The following PPP6R2 variants were observed in gnomAD, a reference collection of about 807,000 sequenced individuals.
PPP6R2 encodes the protein serine/threonine-protein phosphatase 6 regulatory subunit 2.
In PPP6R2, 62 loss-of-function variants were observed where a neutral mutation model predicts 100.2. That is an observed-to-expected ratio of 0.62 (90% CI 0.50 to 0.76). PPP6R2 has a LOEUF of 0.76. Among genes scored for constraint, PPP6R2 ranks in the 30% least tolerant of loss-of-function variants. The probability of loss-of-function intolerance (pLI) is 0.00; values close to 1 mark genes in which losing one functional copy is unlikely to be tolerated. For missense variants in PPP6R2, 1,142 were observed against 1,276.3 expected, an observed-to-expected ratio of 0.89 and a Z score of 1.60; for synonymous variants, 525 against 514.7, an observed-to-expected ratio of 1.02 and a Z score of -0.27.
the PPP6R2 span, among the ~76,000 whole-genome samples, chr22:50,337,493 GGTGTGTGTGCGGTGTGTGGGGTGTGTGC>G: frequency 2.1e-5 from 3 of 142,944 alleles, no homozygotes; most frequent in African/African-American, 7.9e-5. Flanking sequence ...TGCGATGTGT[GGTGTGTGTGCGGTGTGTGGGGTGTGTGC>G]GTGTGTGTAT....
At chr22:50,361,722 CTT>C (rs2047826629) in intron 1 of PPP6R2, among the ~76,000 whole-genome samples, 1 of 152,070 alleles carries the variant, frequency 6.6e-6, no homozygotes, top group South Asian at 2.1e-4. Flanking sequence ...GCCTTTGACT[CTT>C]TGTTCTGGTA....
At chr22:50,360,378 A>G (rs2148322726) in intron 1 of PPP6R2, among the ~76,000 whole-genome samples, 1 of 145,430 alleles carries the variant, frequency 6.9e-6, no homozygotes, top group South Asian at 2.2e-4. Context: ...TAAGAGAGAC[A>G]GGGTCTCCTC....
chr22:50,349,363 CAAAAAA>C (rs1225878624), intron 1 of PPP6R2, among the ~76,000 whole-genome samples: 1 of 56,346 alleles, frequency 1.8e-5, no homozygotes, highest in Non-Finnish European at 3.6e-5. Context: ...GACCCTGTCT[CAAAAAA>C]AAAAAAAAAA....
chr22:50,341,440 G>C (rs2147837729), upstream of PPP6R2, among the ~76,000 whole-genome samples: 1 of 151,650 alleles, frequency 6.6e-6, no homozygotes, highest in Non-Finnish European at 1.5e-5. Flanking sequence ...CTGGGCTCCA[G>C]CGATCCTCCT....
chr22:50,381,758 A>AT (rs748291779), intron 2 of PPP6R2, among the ~76,000 whole-genome samples: 27 of 152,010 alleles, frequency 1.8e-4, no homozygotes, highest in Non-Finnish European at 2.9e-4. Context: ...AATACAAAAA[A>AT]TTAGCCGGGC....
intron 4 of PPP6R2, among the ~76,000 whole-genome samples, chr22:50,413,893 CA>C (rs1192734133): frequency 6.6e-6 from 1 of 152,152 alleles, no homozygotes; most frequent in African/African-American, 2.4e-5. Context: ...GCTGAATTTG[CA>C]GCGAGCCCAG....
At chr22:50,393,621 C>G (rs2056119937) in intron 2 of PPP6R2, 3 of 955,224 alleles carry the variant, frequency 3.1e-6, no homozygotes, top group Non-Finnish European at 3.7e-6. Context: ...GGTGCAGCCT[C>G]AGAGCTGTTG....
chr22:50,353,966 A>G (rs924328612), intron 1 of PPP6R2, among the ~76,000 whole-genome samples: 1 of 152,154 alleles, frequency 6.6e-6, no homozygotes, highest in Non-Finnish European at 1.5e-5. Context: ...TGTATCAGGC[A>G]TTTGTGTGTT....
At chr22:50,429,540 G>A (rs889635223) in intron 10 of PPP6R2, among the ~76,000 whole-genome samples, 1 of 152,180 alleles carries the variant, frequency 6.6e-6, no homozygotes, top group Non-Finnish European at 1.5e-5. Context: ...ATGTTGATAA[G>A]GAACATTGGT....
chr22:50,430,873 C>CAAAAAAAAA (rs375308909), intron 10 of PPP6R2, among the ~76,000 whole-genome samples: 1 of 85,682 alleles, frequency 1.2e-5, no homozygotes, highest in Non-Finnish European at 2.3e-5. Context: ...GACTCCGTCT[C>CAAAAAAAAA]AAAAAAAAAA....
chr22:50,438,012 C>T (rs2064764369), intron 17 of PPP6R2, 112 bp downstream of exon 17: 1 of 1,506,474 alleles, frequency 6.6e-7, no homozygotes, highest in Non-Finnish European at 9.1e-7. Context: ...AGAGGCCCCT[C>T]TGTGGAGCTC....
chr22:50,389,188 A>AGAGG (rs1260600142), intron 2 of PPP6R2: 2 of 152,214 alleles, frequency 1.3e-5, no homozygotes, highest in African/African-American at 2.4e-5. Flanking sequence ...TCAGGATGTG[A>AGAGG]GAGGAGTCCT....
intron 1 of PPP6R2, among the ~76,000 whole-genome samples, chr22:50,347,647 C>T (rs2044099702): frequency 1.3e-5 from 2 of 152,152 alleles, no homozygotes; most frequent in African/African-American, 2.4e-5. Flanking sequence ...CCAGCTCCCC[C>T]AAGTCTGTCA....
At chr22:50,355,967 CT>C (rs138721205) in intron 1 of PPP6R2, among the ~76,000 whole-genome samples, 3,321 of 143,612 alleles carry the variant, frequency 0.023, 39 homozygotes, top group Middle Eastern at 0.033. Flanking sequence ...GTATTTCCCT[CT>C]TTTTTTTTTT....
chr22:50,365,000 C>G (rs2048456083), intron 1 of PPP6R2, among the ~76,000 whole-genome samples: 1 of 150,850 alleles, frequency 6.6e-6, no homozygotes, highest in South Asian at 2.1e-4. Context: ...TTATGATTCT[C>G]TTTGGGTCTT....
the PPP6R2 span, among the ~76,000 whole-genome samples, chr22:50,336,768 G>A: frequency 1.3e-5 from 2 of 151,306 alleles, no homozygotes; most frequent in African/African-American, 2.4e-5. Context: ...GTACAGTGGC[G>A]TGGTCACAGT....
rs143042707 is a variant in PPP6R2 at position 50,429,388 on chromosome 22, G to A, written c.1126-1785G>A. ...GAGTTGAGATGATCATTTGGCTTTC[G>A]TCCTTTATCCTGTTAATGTGGTGTA... On this transcript the variant is annotated intron_variant, in intron 10 of 23. Coordinates refer to ENST00000612753, the MANE Select transcript of PPP6R2 (RefSeq NM_001242898.2). Among the ~76,000 whole-genome samples the A allele has an allele frequency of 6.6e-5, 10 of 152,188 alleles. No homozygotes were observed. The East Asian group carries it at 1.5e-3, about 23-fold the overall frequency.
Position 50,406,783 on chromosome 22 carries a change from G to A in PPP6R2, c.322G>A (p.Asp108Asn), listed in dbSNP as rs752377143. ...CGAGAGCCTGCTGAGCCTCCTGTAC[G>A]ACTTCTTGGACCATGAGCCGCCTCT... ...GDESLLSLLY[D>N]FLDHEPPLNP... Residue 108 changes from aspartate (D) to asparagine (N), a missense_variant, in exon 4 of 24, where the codon GAC becomes AAC. Physicochemically the swap from Asp to Asn is conservative, Grantham distance 23. Transcript: ENST00000612753. 2.2e-5 allele frequency: 36 copies of A among 1,613,940 alleles called. No individual in the cohort carries two copies. The highest frequency in any genetic ancestry group is 3.3e-4 in the Middle Eastern group (2 of 6,084).
upstream of PPP6R2, among the ~76,000 whole-genome samples, chr22:50,339,534 GGTGTGTGTGTGGT>G (rs2042344973): frequency 2.2e-5 from 3 of 135,370 alleles, no homozygotes; most frequent in Admixed American, 2.2e-4. Flanking sequence ...TGTGGTGTGT[GGTGTGTGTGTGGT>G]GTGTGTGTGG....
Sources: gnomAD v4.1 joint callset for allele counts (sites outside exome capture counted in the v4.1 genomes callset) on GRCh38, gnomAD v4.1.1 for gene constraint, MANE v1.5 for transcripts, NCBI Gene and HGNC (gene_info 2026-07-23, HGNC 2026-07-21) for gene names.